Variants in PLA2R1 observed in about 807,000 individuals in gnomAD.
PLA2R1 encodes the protein phospholipase A2 receptor 1.
Under a neutral mutation model 195.9 loss-of-function variants are expected in PLA2R1, and 158 were observed. That is an observed-to-expected ratio of 0.81 (90% CI 0.71 to 0.92). PLA2R1 has a LOEUF of 0.92. Among genes scored for constraint, PLA2R1 ranks in the 40% least tolerant of loss-of-function variants. The pLI, the probability that PLA2R1 is intolerant of heterozygous loss-of-function variation, is 0.00. For synonymous variants in PLA2R1, 586 were observed against 598.2 expected (o/e 0.98, Z 0.30); for missense variants, 1,626 against 1,764.6 (o/e 0.92, Z 1.41).
At chr2:160,037,166 T>G (rs1694216186) in intron 3 of PLA2R1, among the ~76,000 whole-genome samples, 1 of 152,246 alleles carries the variant, frequency 6.6e-6, no homozygotes, top group African/African-American at 2.4e-5. Context: ...ACTATTGCTC[T>G]AGCCTTCTAC....
At chr2:160,000,221 G>T (rs1359448731) in intron 11 of PLA2R1, among the ~76,000 whole-genome samples, 1 of 152,156 alleles carries the variant, frequency 6.6e-6, no homozygotes, top group African/African-American at 2.4e-5. Context: ...GCCACTTTTG[G>T]TAAGCGTACA....
intron 9 of PLA2R1, among the ~76,000 whole-genome samples, chr2:160,015,288 T>C (rs17830307): frequency 0.38 from 58,318 of 152,164 alleles, 13,965 homozygotes; most frequent in Non-Finnish European, 0.53. Flanking sequence ...ATTATCAAGA[T>C]TGATTTTACA....
chr2:159,965,975 G>T, intron 20 of PLA2R1, among the ~76,000 whole-genome samples: 1 of 152,182 alleles, frequency 6.6e-6, no homozygotes, highest in South Asian at 2.1e-4. Context: ...AACAAAAAGT[G>T]CGTCTTGGCC....
At chr2:159,995,215 T>C (rs189806677) in intron 11 of PLA2R1, among the ~76,000 whole-genome samples, 1 of 152,220 alleles carries the variant, frequency 6.6e-6, no homozygotes, top group African/African-American at 2.4e-5. Context: ...AAGATTTACA[T>C]TTTCATCTTA....
At chr2:159,965,084 C>T (rs76923210) in intron 20 of PLA2R1, among the ~76,000 whole-genome samples, 4,286 of 152,246 alleles carry the variant, frequency 0.028, 93 homozygotes, top group Non-Finnish European at 0.046. Context: ...CACAGCCTCC[C>T]GCATTATCAC....
At chr2:160,042,287 C>T (rs1694572020) in intron 2 of PLA2R1, 89 bp from the exon 3 acceptor site, 1 of 1,081,766 alleles carries the variant, frequency 9.2e-7, no homozygotes, top group African/African-American at 1.6e-5. Flanking sequence ...TTTTTATGGA[C>T]TGAAACCCTC....
intron 11 of PLA2R1, among the ~76,000 whole-genome samples, chr2:159,994,510 G>A (rs1239920411): frequency 6.6e-6 from 1 of 151,964 alleles, no homozygotes; most frequent in East Asian, 1.9e-4. Context: ...ATAATGATAG[G>A]CAATTATAGT....
intron 21 of PLA2R1, among the ~76,000 whole-genome samples, 166 bp downstream of exon 21, chr2:159,956,343 GA>G (rs1305856179): frequency 6.6e-6 from 1 of 152,126 alleles, no homozygotes; most frequent in African/African-American, 2.4e-5. Flanking sequence ...AACTTTTACA[GA>G]TATCATGAAA....
chr2:159,981,068 T>G (rs141943680), intron 13 of PLA2R1, among the ~76,000 whole-genome samples: 1 of 152,322 alleles, frequency 6.6e-6, no homozygotes, highest in East Asian at 1.9e-4. Flanking sequence ...TCTCCTGGTG[T>G]TGTGACCTTT....
intron 23 of PLA2R1, among the ~76,000 whole-genome samples, chr2:159,952,615 T>C (rs1326093933): frequency 6.6e-6 from 1 of 152,162 alleles, no homozygotes; most frequent in Non-Finnish European, 1.5e-5. Context: ...CCTAACTGGC[T>C]AAGAGCTCTT....
rs146211114 is a variant in PLA2R1 at position 160,040,273 on chromosome 2, C to T, written c.667+1752G>A. Among the ~76,000 whole-genome samples the T allele has an allele frequency of 1.1e-3, 164 of 151,944 alleles. 2 individuals carry two copies. The East Asian group carries it at 0.029, about 27-fold the overall frequency. On this transcript the variant is annotated intron_variant, in intron 3 of 29. Transcript: ENST00000283243. The stretch of plus-strand genomic sequence containing the variant: ...CACTGTTCTGAGCTTCTCTATTACC[C>T]CCACTACCCAGGCTTCCCTGCACCC...
In PLA2R1 at chr2:159,984,045, T is replaced by C; in HGVS notation, c.2066A>G (p.Lys689Arg). 2.5e-6 allele frequency: 4 copies of C among 1,578,558 alleles called. No individual in the cohort carries two copies. Among genetic ancestry groups the C allele is most frequent in the Non-Finnish European group, 3.5e-6 (4 of 1,150,158 alleles). ...TGCTTCAGCTTCTCTCCATGTTCTTTTCATCAGAACTTTTTCACTATGAAA... is the reference window on the plus strand; with the variant it reads ...TGCTTCAGCTTCTCTCCATGTTCTTCTCATCAGAACTTTTTCACTATGAAA... ...KVFHSEKVLM[K>R]RTWREAEAFC... The change falls in exon 13 of 30, where the codon AAA becomes AGA. Residue 689 changes from lysine to arginine, a missense_variant. Lys to Arg is a conservative substitution (Grantham distance 26). Transcript: ENST00000283243.
In PLA2R1 at chr2:160,008,939, C is replaced by T. The variant is rs544335390; in HGVS notation, c.1665-3118G>A. On this transcript the variant is annotated intron_variant, in intron 10 of 29. Coordinates refer to ENST00000283243, the MANE Select transcript of PLA2R1 (RefSeq NM_007366.5). ...AAGATACACAGATAGCCAATAAGCA[C>T]GTGAAAAGATGTTCAACATCATCAA... 6.2e-4 allele frequency among the ~76,000 whole-genome samples: 94 copies of T among 152,248 alleles called. 1 individual carries two copies. Among genetic ancestry groups the T allele is most frequent in the African/African-American group, 2.1e-3 (87 of 41,544 alleles).
At chr2:159,924,209 G>C in the PLA2R1 span, among the ~76,000 whole-genome samples, 1 of 152,070 alleles carries the variant, frequency 6.6e-6, no homozygotes, top group South Asian at 2.1e-4. Flanking sequence ...ATCTCCCTCT[G>C]ACTGCCTCTT....
intron 20 of PLA2R1, among the ~76,000 whole-genome samples, chr2:159,962,756 C>T (rs1688532822): frequency 6.6e-6 from 1 of 152,058 alleles, no homozygotes; most frequent in South Asian, 2.1e-4. Flanking sequence ...AAGCTGGAAA[C>T]CATCATTCTC....
intron 1 of PLA2R1, among the ~76,000 whole-genome samples, chr2:160,059,034 G>A (rs1695767572): frequency 6.6e-6 from 1 of 152,184 alleles, no homozygotes; most frequent in African/African-American, 2.4e-5. Flanking sequence ...GACAGTGACA[G>A]ATCATCAGGC....
Position 160,022,839 on chromosome 2 carries a change from A to G in PLA2R1, c.1120T>C (p.Tyr374His), listed in dbSNP as rs754869709. 12 of 1,597,056 alleles carry G rather than the reference A, an allele frequency of 7.5e-6. No homozygotes were observed. The highest frequency in any genetic ancestry group is 1.7e-4 in the Middle Eastern group (1 of 5,988). ...CAGCCAGGCTCACAGTGGGTAGCAT[A>G]ATATTTCCACGCATCTTTTTCTTTT... ...EIVEKDAWKY[Y>H]ATHCEPGWNP... The change falls in exon 7 of 30, where the codon TAT (tyrosine) becomes CAT (histidine). Residue 374 changes from tyrosine (Y) to histidine (H), a missense_variant. Transcript: ENST00000283243.
intron 20 of PLA2R1, among the ~76,000 whole-genome samples, chr2:159,961,695 TTGCCCTGGGTC>T (rs1460883947): frequency 6.6e-6 from 1 of 152,180 alleles, no homozygotes. Flanking sequence ...ACTTGCTCTT[TTGCCCTGGGTC>T]TGCTCCACCA....
downstream of PLA2R1, among the ~76,000 whole-genome samples, chr2:159,930,934 G>A (rs1288599313): frequency 1.3e-5 from 2 of 152,188 alleles, no homozygotes; most frequent in East Asian, 3.9e-4. Context: ...CAGGTGGCCT[G>A]GGGAGCTATT....
Sources: allele counts gnomAD v4.1 joint callset (sites outside exome capture counted in the v4.1 genomes callset), GRCh38; gene constraint gnomAD v4.1.1; transcripts MANE v1.5; gene names NCBI Gene and HGNC (gene_info 2026-07-23, HGNC 2026-07-21).